RBFOX1: variants seen among roughly 807,000 people sequenced by gnomAD.
The protein encoded by RBFOX1 is RNA binding protein fox-1 homolog 1.
In RBFOX1, 8 loss-of-function variants were observed where a neutral mutation model predicts 57.7. The ratio of observed to expected loss-of-function variants is 0.14; its 90% CI spans 0.08 to 0.25. RBFOX1 has a LOEUF of 0.25. RBFOX1 is among the 10% of genes least tolerant of loss of function. RBFOX1 has a pLI of 1.00. For synonymous variants in RBFOX1, 326 were observed against 222.4 expected (o/e 1.47, Z -4.15); for missense variants, 611 against 548.5 (o/e 1.11, Z -1.14).
chr16:6,043,272 G>T (rs192759747), intron 1 of RBFOX1, among the ~76,000 whole-genome samples: 14 of 151,810 alleles, frequency 9.2e-5, no homozygotes, highest in African/African-American at 3.4e-4. Flanking sequence ...CTTAAAAGGT[G>T]TCCGTCTCCC....
chr16:6,647,847 C>G (rs765890784), intron 2 of RBFOX1, among the ~76,000 whole-genome samples: 17 of 152,026 alleles, frequency 1.1e-4, no homozygotes, highest in Non-Finnish European at 1.9e-4. Context: ...TGATCCCCTT[C>G]TCTTTGTTTT....
At chr16:6,577,354 A>G (rs1367926512) in intron 2 of RBFOX1, 2 of 152,224 alleles carry the variant, frequency 1.3e-5, no homozygotes, top group Non-Finnish European at 1.5e-5. Flanking sequence ...TTTTGGAGCA[A>G]TAATGCTTAA....
At chr16:6,988,298 A>G (rs1051989933) in intron 3 of RBFOX1, among the ~76,000 whole-genome samples, 2 of 152,100 alleles carry the variant, frequency 1.3e-5, no homozygotes, top group Admixed American at 6.6e-5. Context: ...AGAGCAGTGT[A>G]GTCTATTGGA....
intron 1 of RBFOX1, among the ~76,000 whole-genome samples, chr16:6,083,002 G>C (rs1028382282): frequency 8.8e-6 from 1 of 114,154 alleles, no homozygotes. Flanking sequence ...TTGTGTGTTT[G>C]TTTGTTTGTT....
chr16:6,720,821 C>T (rs1358279507), intron 3 of RBFOX1, among the ~76,000 whole-genome samples: 1 of 152,144 alleles, frequency 6.6e-6, no homozygotes, highest in Non-Finnish European at 1.5e-5. Context: ...AAGGATGTTG[C>T]TGAAGTGTAT....
intron 2 of RBFOX1, among the ~76,000 whole-genome samples, chr16:6,397,452 T>C (rs1221854537): frequency 6.6e-6 from 1 of 151,450 alleles, no homozygotes. Context: ...AAAAAAAAAA[T>C]CCTTCACAGA....
chr16:7,273,692 T>A (rs1348666231), intron 4 of RBFOX1, among the ~76,000 whole-genome samples: 1 of 152,222 alleles, frequency 6.6e-6, no homozygotes, highest in African/African-American at 2.4e-5. Flanking sequence ...AAGATGGACC[T>A]TATTTTTAAA....
chr16:6,262,720 A>G (rs1482772097), intron 1 of RBFOX1, among the ~76,000 whole-genome samples: 1 of 152,126 alleles, frequency 6.6e-6, no homozygotes, highest in African/African-American at 2.4e-5. Context: ...AAGAATAGGA[A>G]CAGAGAAAGA....
In RBFOX1 at chr16:6,942,654, G is replaced by C. The variant is rs75101524; in HGVS notation, c.-15-109403G>C. 9.0e-3 allele frequency among the ~76,000 whole-genome samples: 1,373 copies of C among 152,256 alleles called. 34 individuals are homozygous for C. The highest frequency in any genetic ancestry group is 0.031 in the African/African-American group (1,301 of 41,540). ...TGCTAGGCAGAGTTGAGTGGACAGC[G>C]AGAAGGATAAGATGGTGTCTGACTT... On this transcript the variant is annotated intron_variant, in intron 3 of 15. Transcript: ENST00000550418.
rs372206955 is a variant in RBFOX1 at position 7,265,598 on chromosome 16, A to G, written c.27+213500A>G. ...CGAGTAGCTAGGATTACAGGCACCC[A>G]CCACCACGCCTGGCTAATTTTTGTA... On this transcript the variant is annotated intron_variant, in intron 4 of 15. Coordinates refer to ENST00000550418, the MANE Select transcript of RBFOX1 (RefSeq NM_018723.4). Among the ~76,000 whole-genome samples the G allele has an allele frequency of 4.0e-5, 6 of 151,590 alleles. No homozygotes were observed. The East Asian group carries it at 7.9e-4, about 20-fold the overall frequency.
At chr16:7,330,754 C>G (rs755197401) in intron 4 of RBFOX1, among the ~76,000 whole-genome samples, 1 of 151,844 alleles carries the variant, frequency 6.6e-6, no homozygotes, top group Non-Finnish European at 1.5e-5. Flanking sequence ...AGTGGTCTTT[C>G]TATTTTACAA....
chr16:7,412,076 C>T (rs189220615), intron 4 of RBFOX1, among the ~76,000 whole-genome samples: 14 of 151,954 alleles, frequency 9.2e-5, no homozygotes, highest in African/African-American at 3.4e-4. Context: ...TGTAGTTAAT[C>T]GTGATGTATT....
At chr16:7,269,095 C>T (rs2095253903) in intron 4 of RBFOX1, among the ~76,000 whole-genome samples, 1 of 145,016 alleles carries the variant, frequency 6.9e-6, no homozygotes, top group Non-Finnish European at 1.5e-5. Flanking sequence ...ATCACATTAA[C>T]CCTCACAGCC....
chr16:7,234,259 C>A (rs1210385428), intron 4 of RBFOX1, among the ~76,000 whole-genome samples: 4 of 151,922 alleles, frequency 2.6e-5, no homozygotes, highest in Admixed American at 6.6e-5. Flanking sequence ...TAATGAATAA[C>A]CCCACTGGAA....
At chr16:5,945,711 A>C (rs532545085) in intron 4 of RBFOX1, among the ~76,000 whole-genome samples, 11 of 152,320 alleles carry the variant, frequency 7.2e-5, no homozygotes, top group Middle Eastern at 3.4e-3. Flanking sequence ...CTCAGGTAGA[A>C]TCTGCAAACC....
At chr16:5,311,045 T>C (rs1295821173) in intron 1 of RBFOX1, among the ~76,000 whole-genome samples, 1 of 152,192 alleles carries the variant, frequency 6.6e-6, no homozygotes. Context: ...TGTATGCCTT[T>C]ATGTACCCAT....
At position 5,454,902 on chromosome 16, in the gene RBFOX1, C is replaced by CTTTCT. The variant is rs1555524180; in HGVS notation, c.220-12311_220-12307dup. ...TCTTTCTTTCTTTCTTTCTTTCTTT[C>CTTTCT]TTTCTTTCTTTCCTTTGTTTCTTTC... On this transcript the variant is annotated intron_variant, in intron 1 of 2. Coordinates refer to the RBFOX1 transcript ENST00000585867. Among the ~76,000 whole-genome samples the CTTTCT allele has an allele frequency of 9.8e-3, 652 of 66,708 alleles. 40 individuals carry two copies. The highest frequency in any genetic ancestry group is 0.027 in the African/African-American group (525 of 19,178). 43.8% of individuals were successfully genotyped at this position (66,708 alleles called of 152,430 possible).
intron 4 of RBFOX1, among the ~76,000 whole-genome samples, chr16:7,338,330 A>T (rs879477261): frequency 5.9e-5 from 9 of 152,184 alleles, no homozygotes; most frequent in Non-Finnish European, 1.0e-4. Flanking sequence ...AGTGGCAGAA[A>T]AATGCCAATG....
intron 2 of RBFOX1, among the ~76,000 whole-genome samples, chr16:6,450,761 ATATGTG>A (rs1338995819): frequency 4.7e-5 from 2 of 43,000 alleles, no homozygotes; most frequent in East Asian, 1.3e-3. Flanking sequence ...ATACATATAT[ATATGTG>A]TATATATATA....
Sources: allele counts gnomAD v4.1 joint callset (sites outside exome capture counted in the v4.1 genomes callset), GRCh38; gene constraint gnomAD v4.1.1; transcripts MANE v1.5; gene names NCBI Gene and HGNC (gene_info 2026-07-23, HGNC 2026-07-21).